Variants in SCARA5 observed in about 807,000 individuals in gnomAD.
SCARA5 encodes the protein scavenger receptor class A member 5.
Under a neutral mutation model 46.3 loss-of-function variants are expected in SCARA5, and 45 were observed. The ratio of observed to expected loss-of-function variants is 0.97; its 90% CI spans 0.76 to 1.24. SCARA5 has a LOEUF of 1.24. Ranked by LOEUF, SCARA5 falls within the 50% of genes most tolerant of loss-of-function variation. The pLI, the probability that SCARA5 is intolerant of heterozygous loss-of-function variation, is 0.00. For missense variants in SCARA5, 680 were observed against 689.0 expected, an observed-to-expected ratio of 0.99 and a Z score of 0.15; for synonymous variants, 333 against 306.5, an observed-to-expected ratio of 1.09 and a Z score of -0.90.
At chr8:27,882,932 C>A (rs11774579) in intron 7 of SCARA5, among the ~76,000 whole-genome samples, 1 of 152,026 alleles carries the variant, frequency 6.6e-6, no homozygotes, top group East Asian at 1.9e-4. Flanking sequence ...GCCTCACAAC[C>A]TCTCTAAAGG....
At chr8:27,873,083 T>C (rs1806666072) in intron 8 of SCARA5, among the ~76,000 whole-genome samples, 1 of 152,190 alleles carries the variant, frequency 6.6e-6, no homozygotes, top group South Asian at 2.1e-4. Context: ...GTTTTAGCTT[T>C]AGAACTGATA....
intron 8 of SCARA5, among the ~76,000 whole-genome samples, chr8:27,873,539 T>G (rs7833881): frequency 0.037 from 5,579 of 152,024 alleles, 327 homozygotes; most frequent in African/African-American, 0.13. Flanking sequence ...CTGAGCACCT[T>G]ATGTCCCCAC....
At chr8:27,912,884 T>C (rs966714497) in intron 4 of SCARA5, among the ~76,000 whole-genome samples, 7 of 152,188 alleles carry the variant, frequency 4.6e-5, no homozygotes, top group Admixed American at 1.3e-4. Context: ...TGAGTATGGA[T>C]ATTGAGTCTT....
intron 2 of SCARA5, among the ~76,000 whole-genome samples, chr8:27,985,000 C>T (rs186527389): frequency 2.9e-4 from 44 of 152,302 alleles, no homozygotes; most frequent in African/African-American, 1.1e-3. Flanking sequence ...ATTCATCCAT[C>T]CACCCATTCA....
intron 3 of SCARA5, among the ~76,000 whole-genome samples, chr8:27,964,160 T>C (rs1808333291): frequency 6.6e-6 from 1 of 152,130 alleles, no homozygotes; most frequent in African/African-American, 2.4e-5. Context: ...AGAGCCTCCT[T>C]AAAGAACCTC....
intron 7 of SCARA5, chr8:27,903,839 C>G (rs1357613754): frequency 6.6e-6 from 1 of 152,150 alleles, no homozygotes; most frequent in Non-Finnish European, 1.5e-5. Context: ...TTTCCCCAGG[C>G]CCCATCCTCC....
chr8:27,921,511 G>T, intron 4 of SCARA5, 60 bp downstream of exon 4: 1 of 1,417,744 alleles, frequency 7.1e-7, no homozygotes, highest in Non-Finnish European at 9.4e-7. Context: ...GGAGGGGCGT[G>T]CAGGAGGAAG....
At position 27,903,907 on chromosome 8, in the gene SCARA5, C is replaced by T. The variant is rs536612505; in HGVS notation, c.1153+871G>A. Among the ~76,000 whole-genome samples, 16 of 152,250 alleles carry T rather than the reference C, an allele frequency of 1.1e-4. No homozygotes were observed. The South Asian group carries it at 1.5e-3, about 14-fold the overall frequency. On this transcript the variant is annotated intron_variant, in intron 7 of 8. Transcript: ENST00000354914. The stretch of plus-strand genomic sequence containing the variant: ...CAGTGATATTCTGCTTGCGCCCTCA[C>T]GTGGGACAGAGCCAACTAACACCAC...
At position 27,921,564 on chromosome 8, in the gene SCARA5, G is replaced by C. The variant is rs777806865; in HGVS notation, c.916+7C>G. 3 of 1,543,930 alleles carry C rather than the reference G, an allele frequency of 1.9e-6. No homozygotes were observed. The highest frequency in any genetic ancestry group is 4.7e-5 in the East Asian group (2 of 42,614). ...CGTGGGTGGAGGCAGCAAGGGCCTG[G>C]CGGTACCTTTCGCGAGGGAGATGTT... On this transcript the variant is annotated splice_region_variant and intron_variant, in intron 4 of 8. Transcript: ENST00000354914.
chr8:27,967,953 C>A (rs1808395016), intron 2 of SCARA5, among the ~76,000 whole-genome samples: 1 of 151,956 alleles, frequency 6.6e-6, no homozygotes, highest in Admixed American at 6.6e-5. Flanking sequence ...AGGAGTGTCA[C>A]TAACTGGAGT....
chr8:27,959,742 G>A (rs777938128), intron 3 of SCARA5, among the ~76,000 whole-genome samples: 30 of 152,216 alleles, frequency 2.0e-4, no homozygotes, highest in Admixed American at 1.0e-3. Flanking sequence ...GGACAAGGAA[G>A]GGGTTTCTGT....
chr8:27,926,309 A>C (rs983074094), intron 3 of SCARA5, among the ~76,000 whole-genome samples: 6 of 152,196 alleles, frequency 3.9e-5, no homozygotes, highest in Admixed American at 3.3e-4. Flanking sequence ...GACATGGATA[A>C]AGCTGGAAAC....
At chr8:27,872,974 CG>C (rs1030222612) in intron 8 of SCARA5, among the ~76,000 whole-genome samples, 1 of 152,158 alleles carries the variant, frequency 6.6e-6, no homozygotes, top group African/African-American at 2.4e-5. Flanking sequence ...ACTGCGGTGG[CG>C]GGGGATCATT....
intron 3 of SCARA5, among the ~76,000 whole-genome samples, chr8:27,958,327 C>G (rs1001359965): frequency 6.6e-6 from 1 of 152,224 alleles, no homozygotes; most frequent in African/African-American, 2.4e-5. Context: ...TGAGGTGAGA[C>G]AGAGGTGCCT....
chr8:27,984,492 T>C (rs1255717534), intron 2 of SCARA5, among the ~76,000 whole-genome samples: 4 of 118,282 alleles, frequency 3.4e-5, no homozygotes, highest in African/African-American at 7.8e-5. Flanking sequence ...ATTCATCTAT[T>C]TATTTATTCA....
chr8:27,942,959 A>G (rs1807976290), intron 3 of SCARA5, among the ~76,000 whole-genome samples: 1 of 152,182 alleles, frequency 6.6e-6, no homozygotes, highest in Non-Finnish European at 1.5e-5. Context: ...CTGCAAACAC[A>G]CTGCTTCTTC....
chr8:27,876,241 G>C (rs1192611433), intron 8 of SCARA5, among the ~76,000 whole-genome samples: 5 of 152,216 alleles, frequency 3.3e-5, no homozygotes, highest in Non-Finnish European at 7.3e-5. Flanking sequence ...CTGAAGCTTA[G>C]AGAGGGTAGG....
chr8:27,985,474 CCATGCTTTGCCCAG>C (rs1808691785), intron 2 of SCARA5, among the ~76,000 whole-genome samples: 1 of 152,206 alleles, frequency 6.6e-6, no homozygotes, highest in Non-Finnish European at 1.5e-5. Flanking sequence ...GGAGCCACAG[CCATGCTTTGCCCAG>C]CATAGTATCA....
intron 4 of SCARA5, among the ~76,000 whole-genome samples, chr8:27,915,354 G>A (rs530736925): frequency 6.6e-6 from 1 of 152,298 alleles, no homozygotes; most frequent in South Asian, 2.1e-4. Flanking sequence ...GGGGCTGGGG[G>A]CAACTCCACC....
Sources: gnomAD v4.1 joint callset for allele counts (sites outside exome capture counted in the v4.1 genomes callset) on GRCh38, gnomAD v4.1.1 for gene constraint, MANE v1.5 for transcripts, NCBI Gene and HGNC (gene_info 2026-07-23, HGNC 2026-07-21) for gene names.